The following CBFA2T2 variants were observed in gnomAD, a reference collection of about 807,000 sequenced individuals.
CBFA2T2 encodes CBFA2/RUNX1 partner transcriptional co-repressor 2.
CBFA2T2 carries 11 observed loss-of-function variants against 62.2 expected under a neutral mutation model. The ratio of observed to expected loss-of-function variants is 0.18; its 90% CI spans 0.11 to 0.29. The LOEUF is 0.29. CBFA2T2 is among the 10% of genes least tolerant of loss of function. CBFA2T2 has a pLI of 1.00. For missense variants in CBFA2T2, 592 were observed against 774.1 expected (o/e 0.76, Z 2.79); for synonymous variants, 295 against 287.5 (o/e 1.03, Z -0.27).
chr20:33,490,390 G>T (rs2011137769), intron 1 of CBFA2T2, 89 bp downstream of exon 1: 2 of 1,176,634 alleles, frequency 1.7e-6, no homozygotes, highest in East Asian at 3.2e-5. Flanking sequence ...CCCCGGGCGC[G>T]AGGCCGGGAG....
intron 1 of CBFA2T2, among the ~76,000 whole-genome samples, chr20:33,525,435 C>T (rs757779768): frequency 5.9e-5 from 9 of 152,138 alleles, no homozygotes; most frequent in Non-Finnish European, 1.2e-4. Context: ...ATCTTCCTGC[C>T]TTGGCCTCTC....
intron 1 of CBFA2T2, among the ~76,000 whole-genome samples, chr20:33,541,787 T>C (rs191253345): frequency 1.6e-4 from 25 of 152,356 alleles, no homozygotes; most frequent in African/African-American, 5.3e-4. Flanking sequence ...TTTTACTTGT[T>C]ACTTTTTATT....
At chr20:33,632,162 T>C (rs1426406778) in intron 8 of CBFA2T2, among the ~76,000 whole-genome samples, 1 of 152,066 alleles carries the variant, frequency 6.6e-6, no homozygotes, top group African/African-American at 2.4e-5. Flanking sequence ...TCTTGCCTCA[T>C]CCTCCTGAGT....
rs77583830 is a variant in CBFA2T2 at position 33,524,637 on chromosome 20, A to G, written c.34+34336A>G. Among the ~76,000 whole-genome samples, 405 of 152,326 alleles carry G rather than the reference A, an allele frequency of 2.7e-3. 2 individuals are homozygous for G. The highest frequency in any genetic ancestry group is 8.3e-3 in the African/African-American group (346 of 41,580). On this transcript the variant is annotated intron_variant, in intron 1 of 10. Transcript: ENST00000342704. ...AATCCAGATGCTCACTTAAATACATAAGAAGACAAACCAGGATCAATCTTA... is the reference window on the plus strand; with the variant it reads ...AATCCAGATGCTCACTTAAATACATGAGAAGACAAACCAGGATCAATCTTA...
chr20:33,557,100 C>T (rs1028884214), intron 1 of CBFA2T2, among the ~76,000 whole-genome samples: 1 of 148,168 alleles, frequency 6.7e-6, no homozygotes, highest in Non-Finnish European at 1.5e-5. Flanking sequence ...CTGCAACCTC[C>T]GCCTCCTGGG....
At position 33,513,898 on chromosome 20, in the gene CBFA2T2, GTTT is replaced by G. The variant is rs527308809; in HGVS notation, c.34+23604_34+23606del. The stretch of plus-strand genomic sequence containing the variant: ...AAGTACTTGCTGTTTTTTGTTTTGT[GTTT>G]TTTTTTGTTGTTGTTGTTGTTTTGA... On this transcript the variant is annotated intron_variant, in intron 1 of 10. Transcript: ENST00000342704. Among the ~76,000 whole-genome samples, 624 of 147,770 alleles carry G rather than the reference GTTT, an allele frequency of 4.2e-3. 3 individuals are homozygous for G. The highest frequency in any genetic ancestry group is 0.014 in the African/African-American group (579 of 40,260).
intron 1 of CBFA2T2, among the ~76,000 whole-genome samples, chr20:33,496,941 T>C (rs1034356372): frequency 2.0e-5 from 3 of 152,178 alleles, no homozygotes; most frequent in African/African-American, 7.2e-5. Flanking sequence ...TGCCCTTAGC[T>C]GACTCTGTCC....
At chr20:33,609,800 A>T (rs576607993) in intron 2 of CBFA2T2, among the ~76,000 whole-genome samples, 2 of 152,250 alleles carry the variant, frequency 1.3e-5, no homozygotes, top group East Asian at 3.9e-4. Context: ...ATATGACTAA[A>T]TGTCTTTTTT....
intron 1 of CBFA2T2, among the ~76,000 whole-genome samples, chr20:33,510,688 C>T (rs542307547): frequency 6.6e-6 from 1 of 152,234 alleles, no homozygotes; most frequent in East Asian, 1.9e-4. Flanking sequence ...ATTTCTAGTT[C>T]TAGATCCTTG....
At chr20:33,548,643 C>A (rs1247370322) in intron 1 of CBFA2T2, among the ~76,000 whole-genome samples, 1 of 152,108 alleles carries the variant, frequency 6.6e-6, no homozygotes, top group Admixed American at 6.6e-5. Flanking sequence ...GGCTTTTCAA[C>A]CTCAGATTTT....
chr20:33,604,366 A>G (rs1027299151), intron 1 of CBFA2T2, among the ~76,000 whole-genome samples: 1 of 152,184 alleles, frequency 6.6e-6, no homozygotes, highest in African/African-American at 2.4e-5. Context: ...CATTTTACAT[A>G]TGTTGAAAAT....
At chr20:33,512,750 CTTTT>C (rs1219735208) in intron 1 of CBFA2T2, among the ~76,000 whole-genome samples, 3 of 137,206 alleles carry the variant, frequency 2.2e-5, no homozygotes, top group Admixed American at 7.4e-5. Flanking sequence ...GTATGTATGT[CTTTT>C]TTTTTTTTTT....
intron 1 of CBFA2T2, among the ~76,000 whole-genome samples, chr20:33,598,309 AC>A (rs747072867): frequency 2.0e-4 from 30 of 151,800 alleles, no homozygotes; most frequent in Non-Finnish European, 4.0e-4. Flanking sequence ...GGTCTATTTC[AC>A]CCCTGCAGTC....
In CBFA2T2 at chr20:33,635,095, G is replaced by T. The variant is rs150733848; in HGVS notation, c.1229-1545G>T. On this transcript the variant is annotated intron_variant, in intron 8 of 10. Transcript: ENST00000342704. ...TAATTCCAAAAAATTACCAAGACCT[G>T]CAAGACAGTTCCAGGTTGAATCAGT... Among the ~76,000 whole-genome samples, 278 of 152,314 alleles carry T rather than the reference G, an allele frequency of 1.8e-3. 1 individual carries two copies. Among genetic ancestry groups the T allele is most frequent in the African/African-American group, 6.5e-3 (269 of 41,570 alleles).
intron 8 of CBFA2T2, among the ~76,000 whole-genome samples, chr20:33,631,399 G>A (rs535287221): frequency 1.3e-5 from 2 of 152,324 alleles, no homozygotes; most frequent in East Asian, 1.9e-4. Flanking sequence ...ATCCCTGTGC[G>A]ACTTTCGGAC....
chr20:33,583,097 A>G (rs2014194821), intron 1 of CBFA2T2, among the ~76,000 whole-genome samples: 1 of 152,082 alleles, frequency 6.6e-6, no homozygotes, highest in South Asian at 2.1e-4. Context: ...ACATTATATC[A>G]AGACCTTTTC....
In CBFA2T2 at chr20:33,518,249, C is replaced by T. The variant is rs1035124997; in HGVS notation, c.34+27948C>T. On this transcript the variant is annotated intron_variant, in intron 1 of 10. Coordinates refer to ENST00000342704, the MANE Select transcript of CBFA2T2 (RefSeq NM_001032999.3). Reference sequence around the variant, plus strand: ...GGCGTGAGTCACTGCATCCTGCCTACATTTTGATTTTAATGTCTTACTGTT... The same window carrying T: ...GGCGTGAGTCACTGCATCCTGCCTATATTTTGATTTTAATGTCTTACTGTT... Among the ~76,000 whole-genome samples the T allele has an allele frequency of 5.9e-5, 9 of 152,162 alleles. No individual in the cohort carries two copies. In the South Asian group the frequency reaches 8.3e-4, roughly 14 times the overall value.
chr20:33,546,830 A>G (rs2012585495), intron 1 of CBFA2T2, among the ~76,000 whole-genome samples: 1 of 150,636 alleles, frequency 6.6e-6, no homozygotes. Context: ...TACCATTTGT[A>G]GCAGCAAAAG....
rs1171505720 is a variant in CBFA2T2, at chr20:33,490,248, C to T, written c.-20C>T. ...GTGTCGCGGGTAGAGGCGGGCGGCG[C>T]GCGGCGGCGGCGCTCGGCGATGGTA... On this transcript the variant is annotated 5_prime_UTR_variant, in exon 1 of 11. Coordinates refer to ENST00000342704, the MANE Select transcript of CBFA2T2 (RefSeq NM_001032999.3). 1.5e-5 allele frequency: 18 copies of T among 1,230,906 alleles called. No individual in the cohort carries two copies. Among genetic ancestry groups the T allele is most frequent in the Non-Finnish European group, 1.8e-5 (18 of 988,126 alleles). The allele number at this position is 1,230,906 out of a possible 1,614,324, so 76.2% of individuals were successfully genotyped here. A position where few individuals can be genotyped will look rare whatever the true frequency, so the allele number is the denominator to read the frequency against.
Sources: allele counts gnomAD v4.1 joint callset (sites outside exome capture counted in the v4.1 genomes callset), GRCh38; gene constraint gnomAD v4.1.1; transcripts MANE v1.5; gene names NCBI Gene and HGNC (gene_info 2026-07-23, HGNC 2026-07-21).